The following CMIP variants were observed in gnomAD, a reference collection of about 807,000 sequenced individuals.
CMIP encodes the protein C-Maf-inducing protein.
In CMIP, 13 loss-of-function variants were observed where a neutral mutation model predicts 97.3. That is an observed-to-expected ratio of 0.13 (90% CI 0.09 to 0.21). The LOEUF is 0.21. Among genes scored for constraint, CMIP ranks in the 10% least tolerant of loss-of-function variants. CMIP has a pLI of 1.00. For missense variants in CMIP, 847 were observed against 1,024.9 expected (o/e 0.83, Z 2.37); for synonymous variants, 538 against 436.3 (o/e 1.23, Z -2.91).
At chr16:81,597,719 G>C (rs1567601637) in intron 1 of CMIP, among the ~76,000 whole-genome samples, 2 of 152,152 alleles carry the variant, frequency 1.3e-5, no homozygotes, top group African/African-American at 4.8e-5. Context: ...CCCCCATTCA[G>C]CTTCCTTTTG....
chr16:81,563,523 C>T (rs556233525), intron 1 of CMIP, among the ~76,000 whole-genome samples: 6 of 152,206 alleles, frequency 3.9e-5, no homozygotes, highest in Non-Finnish European at 5.9e-5. Context: ...GCCACACTGA[C>T]ACGTACCGCA....
chr16:81,449,670 C>T (rs200931482), intron 1 of CMIP, among the ~76,000 whole-genome samples: 4 of 27,970 alleles, frequency 1.4e-4, no homozygotes, highest in Non-Finnish European at 2.4e-4. Context: ...ACACAGATTT[C>T]CCCCCCCCCC....
At chr16:81,620,570 C>T in intron 2 of CMIP, 1 of 315,642 alleles carries the variant, frequency 3.2e-6, no homozygotes, top group African/African-American at 2.1e-5. Context: ...TCCCATGCCC[C>T]TAAGTCCAGC....
intron 1 of CMIP, among the ~76,000 whole-genome samples, chr16:81,501,725 C>T (rs1028556226): frequency 1.3e-5 from 2 of 151,910 alleles, no homozygotes; most frequent in Non-Finnish European, 1.5e-5. Context: ...AATTCTCCTG[C>T]CTCAGCCTCC....
chr16:81,474,459 C>G (rs538256319), intron 1 of CMIP, among the ~76,000 whole-genome samples: 16 of 152,268 alleles, frequency 1.1e-4, no homozygotes, highest in African/African-American at 3.9e-4. Context: ...AGGCACGTCG[C>G]ACACTACTTC....
intron 14 of CMIP, among the ~76,000 whole-genome samples, chr16:81,698,406 C>T (rs117788455): frequency 1.6e-4 from 25 of 152,306 alleles, no homozygotes; most frequent in South Asian, 1.4e-3. Flanking sequence ...ATTCCTGGGG[C>T]GCAGGCAGTC....
chr16:81,530,334 C>T (rs955050661), intron 1 of CMIP, among the ~76,000 whole-genome samples: 3 of 152,178 alleles, frequency 2.0e-5, no homozygotes, highest in Non-Finnish European at 2.9e-5. Flanking sequence ...AAAGGTGGAT[C>T]CGGATCCCTC....
intron 1 of CMIP, among the ~76,000 whole-genome samples, chr16:81,471,485 G>A (rs1441911802): frequency 6.6e-6 from 1 of 152,050 alleles, no homozygotes; most frequent in Non-Finnish European, 1.5e-5. Flanking sequence ...CATGCACACA[G>A]ATACATAGGC....
chr16:81,465,491 C>T (rs867555180), intron 1 of CMIP, among the ~76,000 whole-genome samples: 3 of 152,216 alleles, frequency 2.0e-5, no homozygotes, highest in African/African-American at 7.2e-5. Flanking sequence ...AGACTGGACC[C>T]CGTACGTTTG....
chr16:81,692,626 G>A lies in CMIP; in HGVS notation c.1455-532G>A, dbSNP rs568796154. On this transcript the variant is annotated intron_variant, in intron 11 of 20. Coordinates refer to ENST00000537098, the MANE Select transcript of CMIP (RefSeq NM_198390.3). Reference sequence around the variant, plus strand: ...CCATGTGCTGGCCTGGCCAGTCCCCGAGGGTCCCCAGTACTTGAGGCCGGA... The same window carrying A: ...CCATGTGCTGGCCTGGCCAGTCCCCAAGGGTCCCCAGTACTTGAGGCCGGA... 2.9e-3 allele frequency among the ~76,000 whole-genome samples: 445 copies of A among 152,294 alleles called. 1 individual carries two copies. Among genetic ancestry groups the A allele is most frequent in the African/African-American group, 5.0e-3 (207 of 41,554 alleles).
Position 81,594,677 on chromosome 16 carries a change from G to C in CMIP, c.301-12890G>C, listed in dbSNP as rs564298986. The stretch of plus-strand genomic sequence containing the variant: ...TCCCCAGGCTGGAGTGCAGTGATGC[G>C]ATCTCGGCTCACTGCAAGCTCTGCC... On this transcript the variant is annotated intron_variant, in intron 1 of 20. Coordinates refer to ENST00000537098, the MANE Select transcript of CMIP (RefSeq NM_198390.3). 1.5e-4 allele frequency among the ~76,000 whole-genome samples: 23 copies of C among 151,510 alleles called. No homozygotes were observed. The East Asian group carries it at 4.5e-3, about 30-fold the overall frequency.
At chr16:81,650,178 C>T (rs572855886) in intron 3 of CMIP, among the ~76,000 whole-genome samples, 6 of 152,224 alleles carry the variant, frequency 3.9e-5, no homozygotes, top group Non-Finnish European at 7.3e-5. Context: ...CAACTTGTCA[C>T]GCGTTTCTTC....
chr16:81,479,092 C>A (rs1391301200), intron 1 of CMIP, among the ~76,000 whole-genome samples: 1 of 152,124 alleles, frequency 6.6e-6, no homozygotes, highest in Admixed American at 6.5e-5. Flanking sequence ...ATTGACCGGA[C>A]AGGGTTTTTC....
chr16:81,587,252 A>G (rs1419153335), intron 1 of CMIP, among the ~76,000 whole-genome samples: 1 of 152,204 alleles, frequency 6.6e-6, no homozygotes, highest in African/African-American at 2.4e-5. Context: ...GCTGGGGTCC[A>G]CTCTGATGGG....
chr16:81,564,309 G>A (rs2090939995), intron 1 of CMIP, among the ~76,000 whole-genome samples: 1 of 152,192 alleles, frequency 6.6e-6, no homozygotes, highest in Non-Finnish European at 1.5e-5. Context: ...GCCTTTCTTG[G>A]AGGAGTCTCC....
At chr16:81,528,801 G>A (rs368918790) in intron 1 of CMIP, among the ~76,000 whole-genome samples, 7 of 152,108 alleles carry the variant, frequency 4.6e-5, no homozygotes, top group African/African-American at 1.2e-4. Flanking sequence ...ATGCCTGCTC[G>A]CCCTGCTTTA....
Position 81,472,872 on chromosome 16 carries a change from G to A in CMIP, c.300+27331G>A, listed in dbSNP as rs892234963. Among the ~76,000 whole-genome samples the A allele has an allele frequency of 4.6e-5, 7 of 152,158 alleles. 1 individual carries two copies. The South Asian group carries it at 8.3e-4, about 18-fold the overall frequency. ...GCATCTGTGGTGATCTGCAGCCTGC[G>A]CCCAGTACTTTGTCCTGTTCCTTTC... On this transcript the variant is annotated intron_variant, in intron 1 of 20. Coordinates refer to ENST00000537098, the MANE Select transcript of CMIP (RefSeq NM_198390.3).
chr16:81,613,017 C>T (rs1488633573), intron 2 of CMIP, among the ~76,000 whole-genome samples: 1 of 152,220 alleles, frequency 6.6e-6, no homozygotes, highest in East Asian at 1.9e-4. Context: ...GTCAGCTTTC[C>T]CTTTGCTTGG....
At position 81,492,693 on chromosome 16, in the gene CMIP, A is replaced by G. The variant is rs1198833824; in HGVS notation, c.300+47152A>G. 2.6e-5 allele frequency among the ~76,000 whole-genome samples: 4 copies of G among 152,154 alleles called. No homozygotes were observed. The East Asian group carries it at 5.8e-4, about 22-fold the overall frequency. ...GGAGGGAAGGGAGGGCCCTGGAGAA[A>G]AAGGGGGGAAGAGAAACAAAGACAA... On this transcript the variant is annotated intron_variant, in intron 1 of 20. Coordinates refer to ENST00000537098, the MANE Select transcript of CMIP (RefSeq NM_198390.3).
Sources: gnomAD v4.1 joint callset for allele counts (sites outside exome capture counted in the v4.1 genomes callset) on GRCh38, gnomAD v4.1.1 for gene constraint, MANE v1.5 for transcripts, NCBI Gene and HGNC (gene_info 2026-07-23, HGNC 2026-07-21) for gene names.